The following KCNQ5 variants were observed in gnomAD, a reference collection of about 807,000 sequenced individuals.
The protein encoded by KCNQ5 is potassium voltage-gated channel subfamily KQT member 5.
In KCNQ5, 30 loss-of-function variants were observed where a neutral mutation model predicts 98.2. The ratio of observed to expected loss-of-function variants is 0.31; its 90% CI spans 0.23 to 0.41. KCNQ5 has a LOEUF of 0.41. KCNQ5 is among the 10% of genes least tolerant of loss of function. The probability of loss-of-function intolerance (pLI) is 1.00; values close to 1 mark genes in which losing one functional copy is unlikely to be tolerated. For missense variants in KCNQ5, 835 were observed against 1,182.5 expected (o/e 0.71, Z 4.31); for synonymous variants, 458 against 449.4 (o/e 1.02, Z -0.24).
At chr6:73,171,806 T>C (rs182440914) in intron 11 of KCNQ5, among the ~76,000 whole-genome samples, 50 of 152,320 alleles carry the variant, frequency 3.3e-4, no homozygotes, top group Admixed American at 6.5e-4. Flanking sequence ...AGTCCACGAA[T>C]TAATCTGACT....
chr6:72,694,870 T>G (rs574190663), intron 1 of KCNQ5, among the ~76,000 whole-genome samples: 11 of 152,300 alleles, frequency 7.2e-5, no homozygotes, highest in African/African-American at 2.4e-4. Context: ...CCCGCTCTAT[T>G]AGTTCCCTAT....
At chr6:72,627,400 A>G (rs983347462) in intron 1 of KCNQ5, among the ~76,000 whole-genome samples, 1 of 152,216 alleles carries the variant, frequency 6.6e-6, no homozygotes, top group Admixed American at 6.5e-5. Context: ...CAGCAACCCA[A>G]AGGCCGAGGG....
At chr6:72,985,061 C>A (rs902857122) in intron 1 of KCNQ5, among the ~76,000 whole-genome samples, 3 of 152,054 alleles carry the variant, frequency 2.0e-5, no homozygotes, top group Non-Finnish European at 2.9e-5. Flanking sequence ...TCTAAATTAA[C>A]CTGGCATAGT....
In KCNQ5 at chr6:73,198,826, T is replaced by G. The variant is rs191575922; in HGVS notation, c.*3412T>G. 6.6e-6 allele frequency: 1 copy of G among 152,238 alleles called. No individual in the cohort carries two copies. Among genetic ancestry groups the G allele is most frequent in the Non-Finnish European group, 1.5e-5 (1 of 68,034 alleles). 9.4% of individuals were successfully genotyped at this position (152,238 alleles called of 1,614,324 possible). ...TTTACTGGGATTATTTGTTTTAAAG[T>G]AAAACATTAAAAAGATGTCTATAAA... On this transcript the variant is annotated 3_prime_UTR_variant, in exon 14 of 14. Transcript: ENST00000370398.
chr6:73,133,365 A>T, intron 9 of KCNQ5, 56 bp from the exon 10 acceptor site: 1 of 1,518,094 alleles, frequency 6.6e-7, no homozygotes, highest in Non-Finnish European at 9.1e-7. Flanking sequence ...TTACTTACCC[A>T]AGCAAAGTGG....
intron 5 of KCNQ5, among the ~76,000 whole-genome samples, chr6:73,091,496 A>AAAAAAG (rs917140738): frequency 5.3e-5 from 8 of 152,106 alleles, no homozygotes; most frequent in Admixed American, 4.6e-4. Flanking sequence ...TCAGCCTTAA[A>AAAAAAG]AAAAAGAAAA....
chr6:72,988,118 C>A (rs2150307706), intron 1 of KCNQ5, among the ~76,000 whole-genome samples: 1 of 152,282 alleles, frequency 6.6e-6, no homozygotes. Flanking sequence ...AACATTCCGT[C>A]CCTGTTTGAG....
At chr6:72,956,551 TTTTTTTATTTTTTTA>T (rs1767072949) in intron 1 of KCNQ5, among the ~76,000 whole-genome samples, 1 of 148,980 alleles carries the variant, frequency 6.7e-6, no homozygotes, top group African/African-American at 2.4e-5. Flanking sequence ...TTTCTTTTAT[TTTTTTTATTTTTTTA>T]TTTTTTATTT....
intron 3 of KCNQ5, among the ~76,000 whole-genome samples, chr6:73,056,300 T>G (rs1361750287): frequency 2.0e-5 from 3 of 152,078 alleles, no homozygotes. Flanking sequence ...GTAACCTGCA[T>G]GGTGATGTGA....
chr6:73,036,291 C>T (rs1231701689), intron 2 of KCNQ5, among the ~76,000 whole-genome samples: 5 of 148,052 alleles, frequency 3.4e-5, no homozygotes, highest in Non-Finnish European at 7.4e-5. Flanking sequence ...GAGGCTGAGG[C>T]AGGCGAATGG....
intron 1 of KCNQ5, among the ~76,000 whole-genome samples, chr6:72,815,630 GA>G (rs1448833666): frequency 6.6e-6 from 1 of 152,160 alleles, no homozygotes; most frequent in African/African-American, 2.4e-5. Context: ...AGGATCCGAG[GA>G]AAACCTTGTA....
At chr6:72,988,901 C>G (rs867794264) in intron 1 of KCNQ5, among the ~76,000 whole-genome samples, 1 of 75,664 alleles carries the variant, frequency 1.3e-5, no homozygotes, top group Admixed American at 1.6e-4. Flanking sequence ...TGAGAATATG[C>G]GTTGTTTGGT....
intron 1 of KCNQ5, among the ~76,000 whole-genome samples, chr6:72,892,550 GTGCTA>G (rs1779098403): frequency 6.6e-6 from 1 of 152,138 alleles, no homozygotes; most frequent in Non-Finnish European, 1.5e-5. Context: ...AAACCCTAAT[GTGCTA>G]TGACAGGAGG....
chr6:73,171,325 T>A (rs978966088), intron 11 of KCNQ5, among the ~76,000 whole-genome samples: 1 of 152,198 alleles, frequency 6.6e-6, no homozygotes, highest in Non-Finnish European at 1.5e-5. Context: ...TCTAGTCTCA[T>A]CATAAGTGTT....
intron 1 of KCNQ5, among the ~76,000 whole-genome samples, chr6:72,693,670 A>G (rs1768331908): frequency 6.6e-6 from 1 of 152,210 alleles, no homozygotes; most frequent in Admixed American, 6.5e-5. Context: ...TCAAAACTCC[A>G]CCTAAAACTA....
At chr6:72,703,656 G>A (rs1435143398) in intron 1 of KCNQ5, among the ~76,000 whole-genome samples, 2 of 152,188 alleles carry the variant, frequency 1.3e-5, no homozygotes, top group African/African-American at 4.8e-5. Flanking sequence ...AGCAAGTTTA[G>A]GTGGTGTAGA....
intron 1 of KCNQ5, among the ~76,000 whole-genome samples, chr6:72,994,601 T>G (rs923769705): frequency 1.3e-5 from 2 of 150,918 alleles, no homozygotes; most frequent in Non-Finnish European, 3.0e-5. Context: ...CAGATGGAAA[T>G]GCAGAAATCA....
chr6:73,110,219 T>TA (rs5877348), intron 6 of KCNQ5, among the ~76,000 whole-genome samples: 4,103 of 152,252 alleles, frequency 0.027, 233 homozygotes, highest in Admixed American at 0.13. Flanking sequence ...TGAAGTTTAA[T>TA]AAAAAACTAA....
chr6:72,986,026 C>T (rs890294382), intron 1 of KCNQ5, among the ~76,000 whole-genome samples: 4 of 151,976 alleles, frequency 2.6e-5, no homozygotes, highest in Admixed American at 6.6e-5. Context: ...GTCAGGAGTT[C>T]GAGACCAGCC....
Sources: gnomAD v4.1 joint callset for allele counts (sites outside exome capture counted in the v4.1 genomes callset) on GRCh38, gnomAD v4.1.1 for gene constraint, MANE v1.5 for transcripts, NCBI Gene and HGNC (gene_info 2026-07-23, HGNC 2026-07-21) for gene names.